RAD51B: variants seen among roughly 807,000 people sequenced by gnomAD.
RAD51B encodes DNA repair protein RAD51 homolog 2.
In RAD51B, 38 loss-of-function variants were observed where a neutral mutation model predicts 42.2. The ratio of observed to expected loss-of-function variants is 0.90; its 90% confidence interval spans 0.70 to 1.18. The LOEUF (loss-of-function observed/expected upper bound fraction) is 1.18. Ranked by LOEUF, RAD51B falls within the 50% of genes most tolerant of loss-of-function variation. The pLI is 0.00. For synonymous variants in RAD51B, 154 were observed against 145.2 expected (o/e 1.06, Z -0.43); for missense variants, 373 against 400.7 (o/e 0.93, Z 0.59).
At chr14:68,434,646 G>T (rs2140143565) in intron 9 of RAD51B, among the ~76,000 whole-genome samples, 1 of 152,334 alleles carries the variant, frequency 6.6e-6, no homozygotes, top group South Asian at 2.1e-4. Flanking sequence ...GTCGGTCACA[G>T]CTTCCCTTGG....
At chr14:68,450,804 G>A (rs1355858083) in intron 9 of RAD51B, among the ~76,000 whole-genome samples, 2 of 152,138 alleles carry the variant, frequency 1.3e-5, no homozygotes, top group African/African-American at 4.8e-5. Context: ...ATTGTTTGTT[G>A]GGACTGGCAA....
chr14:68,446,894 G>C (rs2085434066), intron 9 of RAD51B, among the ~76,000 whole-genome samples: 1 of 152,134 alleles, frequency 6.6e-6, no homozygotes, highest in Non-Finnish European at 1.5e-5. Flanking sequence ...TCACATCTCT[G>C]TTACTTGCAA....
intron 10 of RAD51B, among the ~76,000 whole-genome samples, chr14:68,566,546 C>A (rs1222583478): frequency 1.3e-5 from 2 of 152,184 alleles, no homozygotes; most frequent in African/African-American, 2.4e-5. Flanking sequence ...AGCTCATACT[C>A]AGGAAGCACT....
chr14:68,370,423 A>C (rs1226041894), intron 8 of RAD51B, among the ~76,000 whole-genome samples: 8 of 152,224 alleles, frequency 5.3e-5, no homozygotes, highest in Non-Finnish European at 1.2e-4. Flanking sequence ...CTGTAAGTTG[A>C]CTGGAGAGGG....
intron 10 of RAD51B, among the ~76,000 whole-genome samples, chr14:68,505,751 C>T (rs1885268572): frequency 6.6e-6 from 1 of 152,034 alleles, no homozygotes; most frequent in Non-Finnish European, 1.5e-5. Flanking sequence ...TGGGGTTTCA[C>T]CATGTTGGCC....
intron 7 of RAD51B, among the ~76,000 whole-genome samples, chr14:67,913,928 T>C (rs2044068264): frequency 6.6e-6 from 1 of 152,076 alleles, no homozygotes; most frequent in Non-Finnish European, 1.5e-5. Context: ...TGCCCCACTC[T>C]CCACTACTCT....
intron 10 of RAD51B, among the ~76,000 whole-genome samples, chr14:68,584,183 A>G (rs547344450): frequency 1.7e-4 from 26 of 151,426 alleles, no homozygotes; most frequent in Admixed American, 5.9e-4. Context: ...TCCTCCTCAC[A>G]CTCCCTGACT....
chr14:68,577,514 A>T (rs941877993), intron 10 of RAD51B, among the ~76,000 whole-genome samples: 2 of 152,038 alleles, frequency 1.3e-5, no homozygotes, highest in Non-Finnish European at 2.9e-5. Context: ...GTAAAAAAAA[A>T]AAAAATGGAA....
intron 7 of RAD51B, among the ~76,000 whole-genome samples, chr14:68,101,950 T>A (rs2077297767): frequency 6.6e-6 from 1 of 152,226 alleles, no homozygotes; most frequent in South Asian, 2.1e-4. Context: ...CTCTGAAATC[T>A]AAGTGGAGGT....
intron 8 of RAD51B, among the ~76,000 whole-genome samples, chr14:68,327,176 A>G (rs1264516970): frequency 6.6e-6 from 1 of 152,188 alleles, no homozygotes; most frequent in African/African-American, 2.4e-5. Context: ...TATCTGTTTT[A>G]GAAAACTAAA....
rs534467903 is a variant in RAD51B, at chr14:67,999,909, T to C, written c.756+112705T>C. On this transcript the variant is annotated intron_variant, in intron 7 of 10. Coordinates refer to ENST00000471583, the MANE Select transcript of RAD51B (RefSeq NM_133510.4). ...TTTAAGGAACTAAATGAGCAAGGGC[T>C]CAAAGGTGTAAAACGTGGGGAAGGC... 8.2e-4 allele frequency among the ~76,000 whole-genome samples: 125 copies of C among 152,138 alleles called. 1 individual carries two copies. Among genetic ancestry groups the C allele is most frequent in the African/African-American group, 3.0e-3 (124 of 41,530 alleles).
In RAD51B at chr14:68,091,909, C is replaced by G. The variant is rs7143672; in HGVS notation, c.757-199975C>G. On this transcript the variant is annotated intron_variant, in intron 7 of 10. Transcript: ENST00000471583. The stretch of plus-strand genomic sequence containing the variant: ...AAGGAAGGGATCCAGTTTCAGCTTT[C>G]TACATATAGCTAGCCAGTTTTCCCA... 6.1e-3 allele frequency among the ~76,000 whole-genome samples: 922 copies of G among 152,278 alleles called. 10 individuals are homozygous for G. The highest frequency in any genetic ancestry group is 0.019 in the African/African-American group (805 of 41,560).
chr14:68,490,353 G>A (rs1883967281), intron 10 of RAD51B, among the ~76,000 whole-genome samples: 1 of 152,124 alleles, frequency 6.6e-6, no homozygotes, highest in Admixed American at 6.5e-5. Flanking sequence ...AAGAACTCAG[G>A]GGTTGAAACT....
intron 7 of RAD51B, among the ~76,000 whole-genome samples, chr14:67,895,436 G>A (rs1319668645): frequency 1.3e-5 from 2 of 152,078 alleles, no homozygotes; most frequent in Non-Finnish European, 2.9e-5. Context: ...ATCTTAATGG[G>A]TCTGCTTCTC....
In RAD51B at chr14:67,955,325, T is replaced by G. The variant is rs181095721; in HGVS notation, c.756+68121T>G. Among the ~76,000 whole-genome samples the G allele has an allele frequency of 9.2e-5, 14 of 152,336 alleles. No individual in the cohort carries two copies. In the East Asian group the frequency reaches 2.7e-3, roughly 29 times the overall value. On this transcript the variant is annotated intron_variant, in intron 7 of 10. Transcript: ENST00000471583. ...AAATGATGATAGTACTATTACTACT[T>G]AGGGCTGGATCACAAAAAGCCAATA...
chr14:68,360,937 C>T lies in RAD51B; in HGVS notation c.854-50487C>T, dbSNP rs59222697. Reference sequence around the variant, plus strand: ...GCCTGTCTGTTCAGATTCTTCTTGGCCTCCCTATAGCATTCCTTCCTCCAG... The same window carrying T: ...GCCTGTCTGTTCAGATTCTTCTTGGTCTCCCTATAGCATTCCTTCCTCCAG... On this transcript the variant is annotated intron_variant, in intron 8 of 10. Transcript: ENST00000471583. 8.9e-3 allele frequency among the ~76,000 whole-genome samples: 1,360 copies of T among 152,230 alleles called. 21 individuals carry two copies. Among genetic ancestry groups the T allele is most frequent in the African/African-American group, 0.032 (1,320 of 41,538 alleles).
chr14:68,208,598 T>A (rs1448564992), intron 7 of RAD51B, among the ~76,000 whole-genome samples: 2 of 152,170 alleles, frequency 1.3e-5, no homozygotes, highest in Non-Finnish European at 1.5e-5. Flanking sequence ...ATATTACAAA[T>A]GTTAGAAGCT....
chr14:68,317,772 A>G (rs555589555), intron 8 of RAD51B, among the ~76,000 whole-genome samples: 1 of 152,340 alleles, frequency 6.6e-6, no homozygotes, highest in African/African-American at 2.4e-5. Flanking sequence ...AAAAATTGAG[A>G]TAGGCTTTTG....
At chr14:68,570,695 C>G (rs540474743) in intron 10 of RAD51B, among the ~76,000 whole-genome samples, 1 of 152,332 alleles carries the variant, frequency 6.6e-6, no homozygotes, top group Admixed American at 6.5e-5. Context: ...AGCCAAGCTT[C>G]CCCCTATGGG....
Sources: gnomAD v4.1 joint callset for allele counts (sites outside exome capture counted in the v4.1 genomes callset) on GRCh38, gnomAD v4.1.1 for gene constraint, MANE v1.5 for transcripts, NCBI Gene and HGNC (gene_info 2026-07-23, HGNC 2026-07-21) for gene names.